CDH7: variants seen among roughly 807,000 people sequenced by gnomAD.
CDH7 encodes cadherin-7.
A neutral mutation model predicts 71.8 loss-of-function variants in CDH7; 25 were observed. That is an observed-to-expected ratio of 0.35 (90% CI 0.25 to 0.49). CDH7 has a LOEUF of 0.49. Ranked by LOEUF, CDH7 falls within the 20% of genes least tolerant of loss-of-function variation. The probability of loss-of-function intolerance (pLI) is 0.99; values close to 1 mark genes in which losing one functional copy is unlikely to be tolerated. For missense variants in CDH7, 862 were observed against 974.6 expected (o/e 0.88, Z 1.54); for synonymous variants, 381 against 363.8 (o/e 1.05, Z -0.54).
At chr18:65,870,153 C>G (rs1913886319) in intron 11 of CDH7, among the ~76,000 whole-genome samples, 1 of 152,096 alleles carries the variant, frequency 6.6e-6, no homozygotes, top group Admixed American at 6.5e-5. Context: ...TTTTATTTAT[C>G]AGTTTAAAAT....
chr18:65,846,629 C>A (rs1912944512), intron 7 of CDH7, among the ~76,000 whole-genome samples: 1 of 152,040 alleles, frequency 6.6e-6, no homozygotes, highest in Non-Finnish European at 1.5e-5. Flanking sequence ...TATAATATCC[C>A]TTAAGAGGCC....
At chr18:65,783,952 T>C (rs1910412257) in intron 2 of CDH7, among the ~76,000 whole-genome samples, 1 of 148,488 alleles carries the variant, frequency 6.7e-6, no homozygotes, top group African/African-American at 2.6e-5. Context: ...ATTTTTATTT[T>C]ATTTATTTAT....
At chr18:65,859,362 G>A (rs1198198039) in intron 9 of CDH7, among the ~76,000 whole-genome samples, 1 of 152,138 alleles carries the variant, frequency 6.6e-6, no homozygotes, top group African/African-American at 2.4e-5. Flanking sequence ...ACCCAACCGG[G>A]TTTAAGTGTC....
chr18:65,787,518 T>G (rs1188980020), intron 2 of CDH7, among the ~76,000 whole-genome samples: 1 of 152,246 alleles, frequency 6.6e-6, no homozygotes, highest in East Asian at 1.9e-4. Flanking sequence ...AAGGAATTCT[T>G]CATCTAAATT....
At chr18:65,822,059 A>G (rs202089962) in intron 4 of CDH7, 22 bp from the exon 5 acceptor site, 43 of 1,593,532 alleles carry the variant, frequency 2.7e-5, no homozygotes, top group Non-Finnish European at 3.7e-5. Context: ...GATGAGTTTT[A>G]CTGGGATTTG....
chr18:65,826,189 T>C (rs1201652537), intron 6 of CDH7, among the ~76,000 whole-genome samples: 3 of 151,374 alleles, frequency 2.0e-5, no homozygotes, highest in African/African-American at 7.3e-5. Context: ...AATTATGTCA[T>C]CTAAAAGCAT....
intron 6 of CDH7, among the ~76,000 whole-genome samples, chr18:65,837,860 T>G (rs1400434849): frequency 6.6e-6 from 1 of 152,056 alleles, no homozygotes; most frequent in Non-Finnish European, 1.5e-5. Flanking sequence ...CTTTTAAACC[T>G]CATCCAAGGT....
intron 6 of CDH7, among the ~76,000 whole-genome samples, chr18:65,825,635 G>A (rs1459228134): frequency 6.6e-6 from 1 of 151,612 alleles, no homozygotes; most frequent in Non-Finnish European, 1.5e-5. Flanking sequence ...GAAATTTTTT[G>A]TCAGTATGAA....
intron 3 of CDH7, among the ~76,000 whole-genome samples, chr18:65,812,226 C>T (rs1004648791): frequency 6.6e-6 from 1 of 151,980 alleles, no homozygotes; most frequent in Non-Finnish European, 1.5e-5. Context: ...CTCAGCCTCC[C>T]AAAGTGATGG....
chr18:65,781,309 G>T (rs1424399954), intron 2 of CDH7, among the ~76,000 whole-genome samples: 1 of 151,952 alleles, frequency 6.6e-6, no homozygotes, highest in Non-Finnish European at 1.5e-5. Context: ...TTAATTTTAT[G>T]TCAACCACAT....
At chr18:65,790,220 C>CA (rs10552878) in intron 2 of CDH7, among the ~76,000 whole-genome samples, 684 of 66,030 alleles carry the variant, frequency 0.01, 8 homozygotes, top group Middle Eastern at 0.021. Context: ...GACTCTCTCT[C>CA]AAAAAAAAAA....
In CDH7 at chr18:65,809,803, A is replaced by G. The variant is rs1212905523; in HGVS notation, c.310A>G (p.Ile104Val). 1.2e-6 allele frequency: 2 copies of G among 1,613,980 alleles called. No homozygotes were observed. Among genetic ancestry groups the G allele is most frequent in the Non-Finnish European group, 1.7e-6 (2 of 1,179,998 alleles). ...IFIIDENTGD[I>V]HATKRLDREE... Reference sequence around the variant, plus strand: ...CATTATTGATGAGAACACTGGGGATATTCATGCCACCAAGAGACTGGATCG... The same window carrying G: ...CATTATTGATGAGAACACTGGGGATGTTCATGCCACCAAGAGACTGGATCG... The change falls in exon 3 of 12, where the codon ATT becomes GTT. Residue 104 changes from isoleucine to valine, a missense_variant. Coordinates refer to ENST00000397968, the MANE Select transcript of CDH7 (RefSeq NM_004361.5).
chr18:65,776,570 T>G (rs1909951978), intron 2 of CDH7, among the ~76,000 whole-genome samples: 1 of 152,194 alleles, frequency 6.6e-6, no homozygotes, highest in Admixed American at 6.5e-5. Flanking sequence ...TTAATGGAAC[T>G]AGATAAATGA....
At chr18:65,863,006 C>A in intron 11 of CDH7, 89 bp downstream of exon 11, 1 of 1,361,648 alleles carries the variant, frequency 7.3e-7, no homozygotes, top group Non-Finnish European at 1.0e-6. Context: ...ATTTGGTGAA[C>A]ATATGCAGAT....
At chr18:65,821,240 G>A (rs1262749777) in intron 4 of CDH7, among the ~76,000 whole-genome samples, 4 of 152,000 alleles carry the variant, frequency 2.6e-5, no homozygotes, top group African/African-American at 4.8e-5. Context: ...TTGCTTTGTT[G>A]TAAATTTAAG....
intron 2 of CDH7, among the ~76,000 whole-genome samples, chr18:65,797,841 TACAATGGAAGA>T (rs1910971719): frequency 6.6e-6 from 1 of 152,218 alleles, no homozygotes; most frequent in African/African-American, 2.4e-5. Flanking sequence ...AAAATGATAG[TACAATGGAAGA>T]ACATTTACCT....
At chr18:65,879,343 G>A (rs575399372) in intron 11 of CDH7, among the ~76,000 whole-genome samples, 6 of 152,218 alleles carry the variant, frequency 3.9e-5, no homozygotes, top group South Asian at 2.1e-4. Context: ...TATAATGTAC[G>A]TTATGGGCTA....
At position 65,822,180 on chromosome 18, in the gene CDH7, T is replaced by G; in HGVS notation, c.725T>G (p.Leu242Arg). The part of the protein sequence containing the change: ...AKDMVGQNGG[L>R]SGTTSVTVTL... ...GATATGGTTGGTCAAAATGGAGGACTGTCAGGAACTACATCAGTCACTGTG... is the reference window on the plus strand; with the variant it reads ...GATATGGTTGGTCAAAATGGAGGACGGTCAGGAACTACATCAGTCACTGTG... The change falls in exon 5 of 12, where the codon CTG becomes CGG. Residue 242 changes from leucine (L) to arginine (R), a missense_variant. Physicochemically the swap from Leu to Arg is moderately radical, Grantham distance 102. Transcript: ENST00000397968. 6.2e-7 allele frequency: 1 copy of G among 1,613,400 alleles called. No individual in the cohort carries two copies. Among genetic ancestry groups the G allele is most frequent in the Non-Finnish European group, 8.5e-7 (1 of 1,179,344 alleles).
At chr18:65,841,839 T>C (rs1912744649) in intron 6 of CDH7, among the ~76,000 whole-genome samples, 1 of 152,092 alleles carries the variant, frequency 6.6e-6, no homozygotes, top group Non-Finnish European at 1.5e-5. Flanking sequence ...TGGGTTCTCA[T>C]TCTCACCTTT....
Sources: gnomAD v4.1 joint callset for allele counts (sites outside exome capture counted in the v4.1 genomes callset) on GRCh38, gnomAD v4.1.1 for gene constraint, MANE v1.5 for transcripts, NCBI Gene and HGNC (gene_info 2026-07-23, HGNC 2026-07-21) for gene names.